The following KLHL32 variants were observed in gnomAD, a reference collection of about 807,000 sequenced individuals.
KLHL32 encodes kelch like family member 32.
Under a neutral mutation model 64.8 loss-of-function variants are expected in KLHL32, and 35 were observed. The observed-to-expected ratio is 0.54, with a 90% CI of 0.41 to 0.72. The LOEUF is 0.72. Ranked by LOEUF, KLHL32 falls within the 30% of genes least tolerant of loss-of-function variation. The probability of loss-of-function intolerance (pLI) is 0.00; values close to 1 mark genes in which losing one functional copy is unlikely to be tolerated. For missense variants in KLHL32, 589 were observed against 768.5 expected (o/e 0.77, Z 2.76); for synonymous variants, 259 against 281.0 (o/e 0.92, Z 0.78).
intron 3 of KLHL32, among the ~76,000 whole-genome samples, chr6:96,995,952 A>G (rs188314927): frequency 3.3e-4 from 50 of 152,364 alleles, no homozygotes; most frequent in African/African-American, 1.2e-3. Flanking sequence ...CCACCAAACT[A>G]CTGTTGAACA....
chr6:97,092,030 C>T (rs1794330532), intron 6 of KLHL32, among the ~76,000 whole-genome samples: 1 of 144,434 alleles, frequency 6.9e-6, no homozygotes, highest in Non-Finnish European at 1.5e-5. Context: ...ACTCTTGTTG[C>T]TCAGGCTGGA....
At chr6:97,107,287 A>G (rs1455619464) in intron 6 of KLHL32, among the ~76,000 whole-genome samples, 1 of 149,742 alleles carries the variant, frequency 6.7e-6, no homozygotes, top group Admixed American at 6.6e-5. Context: ...GCAAGACTCC[A>G]TCTCAAAAAA....
chr6:97,086,133 A>G (rs1793379575), intron 6 of KLHL32, among the ~76,000 whole-genome samples: 1 of 152,212 alleles, frequency 6.6e-6, no homozygotes, highest in South Asian at 2.1e-4. Flanking sequence ...GTAGGGTGCC[A>G]TGCCTCCAAG....
At chr6:96,910,861 G>A in the KLHL32 span, among the ~76,000 whole-genome samples, 25 of 152,124 alleles carry the variant, frequency 1.6e-4, no homozygotes, top group Non-Finnish European at 3.2e-4. Flanking sequence ...TGACACTCAA[G>A]GGAGTATTTT....
intron 3 of KLHL32, among the ~76,000 whole-genome samples, chr6:97,009,409 C>G (rs887492181): frequency 6.6e-6 from 1 of 152,054 alleles, no homozygotes; most frequent in Non-Finnish European, 1.5e-5. Flanking sequence ...CACATTGGCT[C>G]TCTGGGCACC....
intron 8 of KLHL32, among the ~76,000 whole-genome samples, chr6:97,128,049 G>A (rs932838774): frequency 6.6e-6 from 1 of 152,040 alleles, no homozygotes; most frequent in Admixed American, 6.6e-5. Context: ...GATGAACCTT[G>A]GCAATTGCCT....
At chr6:96,903,943 T>G in the KLHL32 span, among the ~76,000 whole-genome samples, 1 of 152,318 alleles carries the variant, frequency 6.6e-6, no homozygotes, top group South Asian at 2.1e-4. Flanking sequence ...AGCACTTCTG[T>G]CTGCCTTGAA....
At chr6:97,058,017 A>C (rs904965662) in intron 4 of KLHL32, among the ~76,000 whole-genome samples, 2 of 152,060 alleles carry the variant, frequency 1.3e-5, no homozygotes, top group African/African-American at 2.4e-5. Flanking sequence ...CATTATTATT[A>C]TATTATCTAT....
At chr6:97,014,499 A>G (rs770919499) in intron 3 of KLHL32, among the ~76,000 whole-genome samples, 6 of 152,184 alleles carry the variant, frequency 3.9e-5, no homozygotes, top group Non-Finnish European at 8.8e-5. Context: ...TGTTTCAAGA[A>G]TACTACAATA....
chr6:97,002,513 G>A (rs1779159443), intron 3 of KLHL32, among the ~76,000 whole-genome samples: 1 of 152,140 alleles, frequency 6.6e-6, no homozygotes, highest in Admixed American at 6.6e-5. Flanking sequence ...ACATGTGCAG[G>A]TTTGTTATAT....
intron 1 of KLHL32, among the ~76,000 whole-genome samples, chr6:96,925,750 A>G (rs914534953): frequency 3.3e-5 from 5 of 152,232 alleles, no homozygotes; most frequent in African/African-American, 1.2e-4. Flanking sequence ...TTCATGACAT[A>G]CATCTTTGCT....
At chr6:96,967,115 G>C (rs56364902) in intron 2 of KLHL32, 32 bp downstream of exon 2, 10 of 1,606,072 alleles carry the variant, frequency 6.2e-6, no homozygotes, top group Admixed American at 1.7e-5. Flanking sequence ...CTCACATGCC[G>C]TAGTGAGCCC....
chr6:96,921,982 T>C (rs1016190269), upstream of KLHL32, among the ~76,000 whole-genome samples: 41 of 152,236 alleles, frequency 2.7e-4, 1 homozygote, highest in Admixed American at 2.5e-3. Context: ...AACTCTAGGA[T>C]ACTTGTTTAA....
intron 7 of KLHL32, among the ~76,000 whole-genome samples, chr6:97,118,145 T>C (rs1797995965): frequency 6.6e-6 from 1 of 152,250 alleles, no homozygotes; most frequent in African/African-American, 2.4e-5. Context: ...TGTATTTTCA[T>C]CTTGATTAAA....
chr6:97,070,364 A>G (rs1790515784), intron 5 of KLHL32, among the ~76,000 whole-genome samples: 1 of 152,222 alleles, frequency 6.6e-6, no homozygotes, highest in African/African-American at 2.4e-5. Flanking sequence ...TGGCATGGGT[A>G]ATCCAGAATA....
At chr6:97,100,921 G>A (rs1318401350) in intron 6 of KLHL32, among the ~76,000 whole-genome samples, 1 of 135,620 alleles carries the variant, frequency 7.4e-6, no homozygotes, top group African/African-American at 2.8e-5. Flanking sequence ...CTCCACCTCA[G>A]ACTCCCAAGT....
At chr6:96,911,824 CTTTTTT>C in the KLHL32 span, among the ~76,000 whole-genome samples, 15 of 54,082 alleles carry the variant, frequency 2.8e-4, no homozygotes, top group East Asian at 8.0e-3. Flanking sequence ...CTCGGTCCTT[CTTTTTT>C]TTTTTTTTTT....
chr6:97,042,867 G>A (rs1044109016), intron 4 of KLHL32, among the ~76,000 whole-genome samples: 26 of 152,172 alleles, frequency 1.7e-4, no homozygotes, highest in Admixed American at 9.8e-4. Context: ...GTTGGAGGTC[G>A]GGTCTGTAGG....
the KLHL32 span, among the ~76,000 whole-genome samples, chr6:96,898,698 A>AAAC: frequency 6.6e-6 from 1 of 151,462 alleles, no homozygotes; most frequent in Non-Finnish European, 1.5e-5. Context: ...ACGTCAGAAA[A>AAAC]AAAAAACAAA....
Sources: gnomAD v4.1 joint callset for allele counts (sites outside exome capture counted in the v4.1 genomes callset) on GRCh38, gnomAD v4.1.1 for gene constraint, MANE v1.5 for transcripts, NCBI Gene and HGNC (gene_info 2026-07-23, HGNC 2026-07-21) for gene names.